The following CAGE1 variants were observed in gnomAD, a reference collection of about 807,000 sequenced individuals.
CAGE1 encodes the protein cancer-associated gene 1 protein.
A neutral mutation model predicts 94.9 loss-of-function variants in CAGE1; 66 were observed. The ratio of observed to expected loss-of-function variants is 0.70; its 90% CI spans 0.57 to 0.85. CAGE1 has a LOEUF of 0.85. Ranked by LOEUF, CAGE1 falls within the 40% of genes least tolerant of loss-of-function variation. The pLI is 0.00. For missense variants in CAGE1, 865 were observed against 950.4 expected (o/e 0.91, Z 1.18); for synonymous variants, 319 against 321.0 (o/e 0.99, Z 0.07).
At position 7,384,146 on chromosome 6, in the gene CAGE1, C is replaced by T. The variant is rs371254617; in HGVS notation, c.283+1639G>A. Among the ~76,000 whole-genome samples, 14 of 152,240 alleles carry T rather than the reference C, an allele frequency of 9.2e-5. No homozygotes were observed. The South Asian group carries it at 1.2e-3, about 14-fold the overall frequency. On this transcript the variant is annotated intron_variant, in intron 3 of 13. Coordinates refer to ENST00000502583, the MANE Select transcript of CAGE1 (RefSeq NM_001170692.2). The stretch of plus-strand genomic sequence containing the variant: ...AGGCTGGAGTGCAGTGGCACCATCT[C>T]GGCTCACTGCAAGCTCCACCCCCTG...
intron 5 of CAGE1, among the ~76,000 whole-genome samples, chr6:7,372,684 T>G (rs1351451112): frequency 6.6e-6 from 1 of 152,128 alleles, no homozygotes; most frequent in Non-Finnish European, 1.5e-5. Flanking sequence ...TTTTTCTTTT[T>G]TTGAGACAGA....
At chr6:7,336,597 C>A (rs1758959798) in intron 11 of CAGE1, among the ~76,000 whole-genome samples, 1 of 152,176 alleles carries the variant, frequency 6.6e-6, no homozygotes, top group Non-Finnish European at 1.5e-5. Context: ...GCAACCTCCG[C>A]CTCCCTGGTT....
intron 4 of CAGE1, among the ~76,000 whole-genome samples, chr6:7,375,181 C>T (rs1488768551): frequency 1.3e-5 from 2 of 151,622 alleles, no homozygotes; most frequent in Non-Finnish European, 2.9e-5. Flanking sequence ...GAGGCTGAGG[C>T]GGGTGGATCA....
chr6:7,373,572 T>G lies in CAGE1; in HGVS notation c.1247A>C (p.Asn416Thr), dbSNP rs774948847. 41 of 1,613,428 alleles carry G rather than the reference T, an allele frequency of 2.5e-5. No individual in the cohort carries two copies. Among genetic ancestry groups the G allele is most frequent in the Non-Finnish European group, 3.5e-5 (41 of 1,179,806 alleles). ...LQLQFKKIKA[N>T]YVCLQERYMT... ...GTACCTTTCCTGTAAACACACATAA[T>G]TAGCCTTGATCTTCTTAAATTGAAG... Residue 416 changes from asparagine (N) to threonine (T), a missense_variant, in exon 5 of 14, where the codon AAT (asparagine) becomes ACT (threonine). Asn to Thr is a moderately conservative substitution (Grantham distance 65, BLOSUM62 0). Coordinates refer to ENST00000502583, the MANE Select transcript of CAGE1 (RefSeq NM_001170692.2).
intron 11 of CAGE1, among the ~76,000 whole-genome samples, chr6:7,353,260 T>A (rs1482969442): frequency 6.6e-6 from 1 of 152,246 alleles, no homozygotes; most frequent in East Asian, 1.9e-4. Context: ...AAAGAAGATA[T>A]ACAAGTGGCC....
intron 4 of CAGE1, among the ~76,000 whole-genome samples, chr6:7,374,730 G>A (rs185500887): frequency 9.9e-5 from 15 of 152,210 alleles, no homozygotes; most frequent in Non-Finnish European, 2.1e-4. Context: ...GTCTCGAGGA[G>A]GTTATAAAAA....
At chr6:7,342,260 A>T (rs1233226969) in intron 11 of CAGE1, among the ~76,000 whole-genome samples, 1 of 152,144 alleles carries the variant, frequency 6.6e-6, no homozygotes, top group Non-Finnish European at 1.5e-5. Context: ...ATGGCCCCAG[A>T]CTATAGGAGC....
intron 3 of CAGE1, among the ~76,000 whole-genome samples, chr6:7,381,398 C>T (rs1295871962): frequency 6.6e-6 from 1 of 152,196 alleles, no homozygotes; most frequent in East Asian, 1.9e-4. Flanking sequence ...CGTGCTGGCA[C>T]CTTGATCTTG....
rs542545774 is a variant in CAGE1 at position 7,338,785 on chromosome 6, G to T, written c.2370-4695C>A. 406 of 767,324 alleles carry T rather than the reference G, an allele frequency of 5.3e-4. 2 individuals carry two copies. The Middle Eastern group carries it at 0.011, about 21-fold the overall frequency. 47.5% of individuals were successfully genotyped at this position (767,324 alleles called of 1,614,324 possible). ...CTGTCTTTGTACAATATTTTATAAA[G>T]GTCTTTACAGAGCAACATCCAGACT... On this transcript the variant is annotated intron_variant, in intron 11 of 13. Transcript: ENST00000502583.
intron 11 of CAGE1, among the ~76,000 whole-genome samples, chr6:7,345,150 TCCATATTGCTTTTAGGAGCTATGA>T (rs1393342053): frequency 2.3e-5 from 1 of 42,656 alleles, no homozygotes; most frequent in Admixed American, 2.6e-4. Context: ...AGGAGCTAGG[TCCATATTGCTTTTAGGAGCTATGA>T]CACTCCTTGT....
At chr6:7,332,710 C>A (rs1391792694) in intron 12 of CAGE1, among the ~76,000 whole-genome samples, 1 of 152,206 alleles carries the variant, frequency 6.6e-6, no homozygotes, top group Non-Finnish European at 1.5e-5. Flanking sequence ...GAGACAGGAA[C>A]TCATGACACG....
At chr6:7,358,051 T>TATATATATAC (rs1760034021) in intron 9 of CAGE1, among the ~76,000 whole-genome samples, 1 of 121,486 alleles carries the variant, frequency 8.2e-6, no homozygotes, top group Non-Finnish European at 1.7e-5. Flanking sequence ...TATATATATA[T>TATATATATAC]ATATATATAT....
At chr6:7,344,345 G>C (rs565692174) in intron 11 of CAGE1, among the ~76,000 whole-genome samples, 2 of 152,264 alleles carry the variant, frequency 1.3e-5, no homozygotes, top group South Asian at 2.1e-4. Context: ...CGGGCAATGA[G>C]GGGTTTAGCA....
Position 7,368,736 on chromosome 6 carries a change from C to T in CAGE1, c.1956G>A (p.Leu652=). ...KESEKVSDIM[L]QKLKSLHLKK... Reference sequence around the variant, plus strand: ...TAAGATGGAGGCTCTTCAGTTTTTGCAGCATTATATCACTAACCTTCTCAC... The same window carrying T: ...TAAGATGGAGGCTCTTCAGTTTTTGTAGCATTATATCACTAACCTTCTCAC... The change falls in exon 7 of 14, where the codon CTG becomes CTA. Residue 652 remains leucine, a synonymous_variant. Transcript: ENST00000502583. The T allele has an allele frequency of 1.3e-6, 2 of 1,557,462 alleles. No individual in the cohort carries two copies. The highest frequency in any genetic ancestry group is 1.7e-6 in the Non-Finnish European group (2 of 1,149,686).
chr6:7,365,619 T>C (rs1760304623), intron 8 of CAGE1, 44 bp from the exon 9 acceptor site: 1 of 1,564,134 alleles, frequency 6.4e-7, no homozygotes. Context: ...CATTTCATAC[T>C]CCTTGGAATA....
chr6:7,339,405 G>A lies in CAGE1; in HGVS notation c.2370-5315C>T. On this transcript the variant is annotated intron_variant, in intron 11 of 13. Transcript: ENST00000502583. The surrounding 1 kb of genome is among the most constrained non-coding windows in gnomAD (Gnocchi z 4.7). ...GCCCTTCTCACCAAGAACATTCTGTGTTCTGGTGGCTAAGACAATGATTTC... is the reference window on the plus strand; with the variant it reads ...GCCCTTCTCACCAAGAACATTCTGTATTCTGGTGGCTAAGACAATGATTTC... The A allele has an allele frequency of 6.3e-7, 1 of 1,576,774 alleles. No homozygotes were observed. Among genetic ancestry groups the A allele is most frequent in the Non-Finnish European group, 8.7e-7 (1 of 1,147,146 alleles).
intron 11 of CAGE1, among the ~76,000 whole-genome samples, chr6:7,337,534 C>T (rs1253882838): frequency 6.6e-6 from 1 of 151,972 alleles, no homozygotes; most frequent in African/African-American, 2.4e-5. Context: ...TTTGAGTTTA[C>T]TTCGTATGTG....
intron 7 of CAGE1, 118 bp downstream of exon 7, chr6:7,368,570 T>G: frequency 1.8e-6 from 1 of 546,022 alleles, no homozygotes; most frequent in African/African-American, 2.0e-5. Flanking sequence ...AAAACTAATC[T>G]GGTCCCCCAA....
chr6:7,351,911 C>G (rs150576283), intron 11 of CAGE1, among the ~76,000 whole-genome samples: 1,800 of 152,154 alleles, frequency 0.012, 38 homozygotes, highest in African/African-American at 0.041. Flanking sequence ...TATGACAAAC[C>G]CACAGCCAAC....
Sources: gnomAD v4.1 joint callset for allele counts (sites outside exome capture counted in the v4.1 genomes callset) on GRCh38, gnomAD v4.1.1 for gene constraint, Gnocchi (gnomAD v3.1) non-coding constraint, MANE v1.5 for transcripts, NCBI Gene and HGNC (gene_info 2026-07-23, HGNC 2026-07-21) for gene names.